LRRC4C: variants seen among roughly 807,000 people sequenced by gnomAD.
LRRC4C encodes leucine rich repeat containing 4C.
LRRC4C carries 5 observed loss-of-function variants against 33.6 expected under a neutral mutation model. The observed-to-expected ratio is 0.15, with a 90% CI of 0.08 to 0.31. The LOEUF (loss-of-function observed/expected upper bound fraction) is 0.31. LRRC4C is among the 10% of genes least tolerant of loss of function. The probability of loss-of-function intolerance (pLI) is 1.00; values close to 1 mark genes in which losing one functional copy is unlikely to be tolerated. For synonymous variants in LRRC4C, 329 were observed against 302.0 expected (o/e 1.09, Z -0.93); for missense variants, 560 against 796.7 (o/e 0.70, Z 3.58).
At chr11:40,439,220 G>T (rs1044277322) in intron 3 of LRRC4C, among the ~76,000 whole-genome samples, 1 of 151,110 alleles carries the variant, frequency 6.6e-6, no homozygotes, top group South Asian at 2.1e-4. Context: ...GATTAGAGGC[G>T]TGAGCCACTG....
rs150482096 is a variant in LRRC4C at position 40,294,499 on chromosome 11, G to A, written c.-176+25129C>T. On this transcript the variant is annotated intron_variant, in intron 4 of 6. Transcript: ENST00000528697. ...GGTTGCAGGTTAAGAGCCTCTCCCA[G>A]TCAAGCACACTGGTCCCAAGCTGAG... 3.5e-4 allele frequency among the ~76,000 whole-genome samples: 53 copies of A among 152,174 alleles called. No homozygotes were observed. In the East Asian group the frequency reaches 8.0e-3, roughly 23 times the overall value.
At chr11:40,580,058 GGT>G (rs72110597) in intron 3 of LRRC4C, among the ~76,000 whole-genome samples, 428 of 144,952 alleles carry the variant, frequency 3.0e-3, no homozygotes, top group East Asian at 5.9e-3. Flanking sequence ...GTACTTTTCA[GGT>G]GTGTGTGTGT....
chr11:40,745,220 C>G (rs1299574021), intron 2 of LRRC4C, among the ~76,000 whole-genome samples: 1 of 152,094 alleles, frequency 6.6e-6, no homozygotes, highest in African/African-American at 2.4e-5. Context: ...ACACTTCCAT[C>G]GGGAAAATAC....
At chr11:41,256,563 A>G (rs993054685) in intron 1 of LRRC4C, among the ~76,000 whole-genome samples, 1 of 152,026 alleles carries the variant, frequency 6.6e-6, no homozygotes, top group Non-Finnish European at 1.5e-5. Flanking sequence ...ATTTAAAAAA[A>G]TTGATTCATA....
chr11:40,386,182 G>A (rs1259310019), intron 3 of LRRC4C, among the ~76,000 whole-genome samples: 2 of 152,142 alleles, frequency 1.3e-5, no homozygotes, highest in African/African-American at 4.8e-5. Context: ...AAAAACTGCA[G>A]GAGTGAATTA....
chr11:40,266,017 G>A (rs1942230054), intron 4 of LRRC4C, among the ~76,000 whole-genome samples: 1 of 152,198 alleles, frequency 6.6e-6, no homozygotes, highest in Non-Finnish European at 1.5e-5. Flanking sequence ...AGAAGAGGAT[G>A]CTGGGCATGG....
At chr11:40,808,112 C>A (rs1951330811) in intron 2 of LRRC4C, among the ~76,000 whole-genome samples, 1 of 151,870 alleles carries the variant, frequency 6.6e-6, no homozygotes, top group Non-Finnish European at 1.5e-5. Context: ...GCTCACTAAA[C>A]AATAATAGAT....
rs139791936 is a variant in LRRC4C at position 41,020,403 on chromosome 11, A to C, written c.-495-86680T>G. Among the ~76,000 whole-genome samples the C allele has an allele frequency of 3.6e-3, 551 of 152,274 alleles. 2 individuals are homozygous for C. Among genetic ancestry groups the C allele is most frequent in the Non-Finnish European group, 6.2e-3 (424 of 68,024 alleles). ...GTCTTTGCATATTTAATTAAAATGCATATTATGATGAGAGCATACTGGAAC... is the reference window on the plus strand; with the variant it reads ...GTCTTTGCATATTTAATTAAAATGCCTATTATGATGAGAGCATACTGGAAC... On this transcript the variant is annotated intron_variant, in intron 1 of 6. Transcript: ENST00000528697.
intron 4 of LRRC4C, among the ~76,000 whole-genome samples, chr11:40,255,114 A>G (rs1426867027): frequency 1.3e-5 from 2 of 152,058 alleles, no homozygotes; most frequent in African/African-American, 2.4e-5. Flanking sequence ...AAAATGAGTA[A>G]ATTTTCTGAT....
intron 3 of LRRC4C, among the ~76,000 whole-genome samples, chr11:40,411,907 T>A (rs1950169360): frequency 6.6e-6 from 1 of 152,024 alleles, no homozygotes; most frequent in South Asian, 2.1e-4. Context: ...ATCCTCTCAA[T>A]AACCCTATGA....
chr11:40,546,607 G>C (rs1956935388), intron 3 of LRRC4C, among the ~76,000 whole-genome samples: 1 of 151,916 alleles, frequency 6.6e-6, no homozygotes, highest in African/African-American at 2.4e-5. Flanking sequence ...ATGTGTTCAT[G>C]GTCACCCAAC....
intron 1 of LRRC4C, among the ~76,000 whole-genome samples, chr11:41,364,134 T>A (rs1315704546): frequency 1.3e-5 from 2 of 152,230 alleles, no homozygotes; most frequent in Non-Finnish European, 2.9e-5. Flanking sequence ...AGAGGTCCGT[T>A]ACTTTGCAGA....
chr11:40,121,179 C>G (rs1855799218), intron 6 of LRRC4C, among the ~76,000 whole-genome samples: 1 of 152,148 alleles, frequency 6.6e-6, no homozygotes, highest in Non-Finnish European at 1.5e-5. Flanking sequence ...ACACACGCAA[C>G]AATGATATAT....
chr11:40,686,526 T>C (rs550978069), intron 2 of LRRC4C, among the ~76,000 whole-genome samples: 14 of 152,002 alleles, frequency 9.2e-5, no homozygotes, highest in Admixed American at 9.2e-4. Flanking sequence ...ACTGTGAAAT[T>C]TTCTCAGGTG....
chr11:41,433,408 TC>T (rs773985476), intron 1 of LRRC4C, among the ~76,000 whole-genome samples: 4 of 152,112 alleles, frequency 2.6e-5, no homozygotes, highest in Non-Finnish European at 5.9e-5. Flanking sequence ...AAATTGGGCT[TC>T]TATAGTGTGA....
intron 2 of LRRC4C, among the ~76,000 whole-genome samples, chr11:40,840,525 CAT>C (rs1470039111): frequency 1.3e-5 from 2 of 152,034 alleles, no homozygotes; most frequent in South Asian, 2.1e-4. Context: ...AGGCAAATAA[CAT>C]AAAAATTGCA....
intron 1 of LRRC4C, among the ~76,000 whole-genome samples, chr11:40,999,341 A>G (rs1489861158): frequency 6.6e-6 from 1 of 152,168 alleles, no homozygotes; most frequent in African/African-American, 2.4e-5. Context: ...AGGTATCCAC[A>G]TTTTAAAAAA....
intron 2 of LRRC4C, among the ~76,000 whole-genome samples, chr11:40,702,594 A>G (rs568266318): frequency 1.3e-5 from 2 of 152,266 alleles, no homozygotes; most frequent in South Asian, 4.2e-4. Context: ...GATGGCGTCC[A>G]TGTTTCCCTG....
chr11:40,116,175 C>A lies in LRRC4C; in HGVS notation c.118G>T (p.Gly40Cys). 1.9e-6 allele frequency: 3 copies of A among 1,613,886 alleles called. No individual in the cohort carries two copies. The highest frequency in any genetic ancestry group is 2.5e-6 in the Non-Finnish European group (3 of 1,179,952). ...LLALQLLVVA[G>C]LVRAQTCPSV... is the part of the protein sequence containing the mutation. ...GGGCAGGTCTGAGCCCGCACCAGAC[C>A]AGCCACCACAAGAAGTTGAAGAGCC... Residue 40 changes from glycine to cysteine, a missense_variant, in exon 7 of 7, where the codon GGT (glycine) becomes TGT (cysteine). Physicochemically the swap from Gly to Cys is radical, Grantham distance 159 (BLOSUM62 -3). Around this residue, in one of 3 missense-constraint regions of LRRC4C, gnomAD observed 455 missense variants for 643.8 expected, o/e 0.71. Coordinates refer to ENST00000528697, the MANE Select transcript of LRRC4C (RefSeq NM_001258419.2).
Sources: gnomAD v4.1 joint callset for allele counts (sites outside exome capture counted in the v4.1 genomes callset) on GRCh38, gnomAD v4.1.1 for gene constraint, gnomAD v4.1.1 regional missense constraint, MANE v1.5 for transcripts, NCBI Gene and HGNC (gene_info 2026-07-23, HGNC 2026-07-21) for gene names.